SNRPN: variants seen among roughly 807,000 people sequenced by gnomAD.
SNRPN encodes the protein small nuclear ribonucleoprotein-associated protein N.
In SNRPN, 7 loss-of-function variants were observed where a neutral mutation model predicts 25.2. The ratio of observed to expected loss-of-function variants is 0.28; its 90% CI spans 0.16 to 0.52. The LOEUF (loss-of-function observed/expected upper bound fraction) is 0.52. Ranked by LOEUF, SNRPN falls within the 20% of genes least tolerant of loss-of-function variation. The pLI is 0.96. For missense variants in SNRPN, 196 were observed against 322.5 expected (o/e 0.61, Z 3.00); for synonymous variants, 124 against 110.6 (o/e 1.12, Z -0.76).
chr15:24,828,803 C>G (rs538285476), intron 1 of SNRPN, among the ~76,000 whole-genome samples: 1 of 151,872 alleles, frequency 6.6e-6, no homozygotes, highest in African/African-American at 2.4e-5. Flanking sequence ...TCTTGGAAAT[C>G]AAGAAAAAAA....
At chr15:24,910,442 CA>C (rs1458372449) in intron 2 of SNRPN, among the ~76,000 whole-genome samples, 1 of 152,012 alleles carries the variant, frequency 6.6e-6, no homozygotes, top group African/African-American at 2.4e-5. Context: ...ATGATCGTAC[CA>C]CAGTCTGGGC....
intron 2 of SNRPN, among the ~76,000 whole-genome samples, chr15:24,844,923 A>C (rs1319982377): frequency 2.0e-5 from 3 of 152,194 alleles, no homozygotes; most frequent in Non-Finnish European, 4.4e-5. Context: ...TTTTCCTTAG[A>C]AATTTTATGT....
At position 24,978,694 on chromosome 15, in the gene SNRPN, C is replaced by T. The variant is rs1224803881; in HGVS notation, c.*250C>T. 1 of 538,148 alleles carries T rather than the reference C, an allele frequency of 1.9e-6. No homozygotes were observed. 33.3% of individuals were successfully genotyped at this position (538,148 alleles called of 1,614,324 possible). A position where few individuals can be genotyped will look rare whatever the true frequency, so the allele number is the denominator to read the frequency against. The stretch of plus-strand genomic sequence containing the variant: ...GATTCAAATCATATTCTCTTTAATT[C>T]TTAGGATAAAAAGGTTTTCTGCTAT... On this transcript the variant is annotated 3_prime_UTR_variant, in exon 10 of 10. Coordinates refer to ENST00000390687, the MANE Select transcript of SNRPN (RefSeq NM_003097.6).
intron 1 of SNRPN, among the ~76,000 whole-genome samples, chr15:24,869,700 T>C (rs1020772591): frequency 6.6e-6 from 1 of 152,220 alleles, no homozygotes; most frequent in Admixed American, 6.5e-5. Context: ...TGCCTGTTGA[T>C]AGCAATTTGA....
intron 2 of SNRPN, among the ~76,000 whole-genome samples, chr15:24,916,315 A>G (rs2059519665): frequency 6.6e-6 from 1 of 152,170 alleles, no homozygotes; most frequent in Non-Finnish European, 1.5e-5. Context: ...AAGTGAAAAA[A>G]TTTAAAAACT....
At chr15:24,883,547 A>G (rs535489615) in intron 1 of SNRPN, among the ~76,000 whole-genome samples, 5 of 152,326 alleles carry the variant, frequency 3.3e-5, no homozygotes, top group South Asian at 2.1e-4. Flanking sequence ...TACACCTGCA[A>G]TTGCACTTTG....
intron 1 of SNRPN, among the ~76,000 whole-genome samples, chr15:24,859,339 G>C (rs1464231028): frequency 6.6e-6 from 1 of 152,110 alleles, no homozygotes; most frequent in Non-Finnish European, 1.5e-5. Flanking sequence ...GATTGATTTA[G>C]GGCCTGTATT....
intron 2 of SNRPN, among the ~76,000 whole-genome samples, chr15:24,833,929 A>C (rs1041344080): frequency 4.0e-5 from 6 of 151,802 alleles, no homozygotes; most frequent in Non-Finnish European, 5.9e-5. Flanking sequence ...GCATTTCTTT[A>C]TTTTATTTTA....
chr15:24,966,546 T>C (rs2075667889), intron 2 of SNRPN, among the ~76,000 whole-genome samples: 4 of 152,172 alleles, frequency 2.6e-5, no homozygotes, highest in Admixed American at 6.5e-5. Flanking sequence ...CCCAACCCTT[T>C]AGTCTTTGTT....
intron 3 of SNRPN, chr15:24,968,305 T>C (rs1406083122): frequency 8.6e-6 from 3 of 347,676 alleles, no homozygotes; most frequent in African/African-American, 6.4e-5. Flanking sequence ...GCTTTTCAGG[T>C]AGTTTTCTTT....
chr15:24,852,861 G>C (rs1259651294), upstream of SNRPN, among the ~76,000 whole-genome samples: 1 of 152,158 alleles, frequency 6.6e-6, no homozygotes. Flanking sequence ...CCTGAGCTTG[G>C]GAGGTCAAGG....
At chr15:24,897,338 GCATCTT>G (rs1203943671) in intron 2 of SNRPN, among the ~76,000 whole-genome samples, 2 of 152,158 alleles carry the variant, frequency 1.3e-5, no homozygotes, top group African/African-American at 4.8e-5. Flanking sequence ...TGTAATCCCA[GCATCTT>G]GGGAAACCAA....
upstream of SNRPN, chr15:24,954,927 T>C: frequency 7.0e-7 from 1 of 1,432,304 alleles, no homozygotes; most frequent in Non-Finnish European, 9.7e-7. Flanking sequence ...AGAGGCAGGC[T>C]GGCGCGCATG....
At chr15:24,862,331 T>C (rs1268707801) in intron 1 of SNRPN, among the ~76,000 whole-genome samples, 1 of 150,820 alleles carries the variant, frequency 6.6e-6, no homozygotes, top group Non-Finnish European at 1.5e-5. Flanking sequence ...GCATGGCCCA[T>C]GAGAGGGGCT....
chr15:24,956,418 A>G (rs895327554), intron 1 of SNRPN, among the ~76,000 whole-genome samples: 12 of 151,276 alleles, frequency 7.9e-5, no homozygotes, highest in Non-Finnish European at 1.3e-4. Context: ...GTGTGTGTTC[A>G]GCTTCTGCTG....
intron 1 of SNRPN, among the ~76,000 whole-genome samples, chr15:24,883,598 A>G (rs1391254960): frequency 2.0e-5 from 3 of 152,190 alleles, no homozygotes; most frequent in Non-Finnish European, 4.4e-5. Context: ...ACACTCTATC[A>G]TTTCAGATAA....
At chr15:24,894,878 C>T (rs1428961482) in intron 2 of SNRPN, among the ~76,000 whole-genome samples, 1 of 152,140 alleles carries the variant, frequency 6.6e-6, no homozygotes, top group Non-Finnish European at 1.5e-5. Context: ...CTTCTCATTC[C>T]TTTGCTTGTC....
rs1003429924 is a variant in SNRPN, at chr15:24,974,396, A to C, written c.-58A>C. 2.1e-5 allele frequency: 33 copies of C among 1,555,696 alleles called. No homozygotes were observed. The highest frequency in any genetic ancestry group is 2.9e-5 in the Non-Finnish European group (33 of 1,126,870). Reference sequence around the variant, plus strand: ...ATACCTTTATCTATAGCCTTCCCCTAGGTCTTCAGAAGCATCAAGTTTTAA... The same window carrying C: ...ATACCTTTATCTATAGCCTTCCCCTCGGTCTTCAGAAGCATCAAGTTTTAA... On this transcript the variant is annotated 5_prime_UTR_variant, in exon 4 of 10. Transcript: ENST00000390687.
At chr15:24,934,242 G>C (rs1370775682) in intron 3 of SNRPN, among the ~76,000 whole-genome samples, 1 of 152,066 alleles carries the variant, frequency 6.6e-6, no homozygotes, top group Non-Finnish European at 1.5e-5. Context: ...AGGTTGCAGT[G>C]AGCCGAGATC....
Sources: allele counts gnomAD v4.1 joint callset (sites outside exome capture counted in the v4.1 genomes callset), GRCh38; gene constraint gnomAD v4.1.1; transcripts MANE v1.5; gene names NCBI Gene and HGNC (gene_info 2026-07-23, HGNC 2026-07-21).